The following PLCG2 variants were observed in gnomAD, a reference collection of about 807,000 sequenced individuals.
PLCG2 encodes the protein phospholipase C gamma 2, also known as 1-phosphatidylinositol 4,5-bisphosphate phosphodiesterase gamma-2.
A neutral mutation model predicts 175.6 loss-of-function variants in PLCG2; 69 were observed. That is an observed-to-expected ratio of 0.39 (90% CI 0.32 to 0.48). The LOEUF is 0.48. PLCG2 is among the 20% of genes least tolerant of loss of function. PLCG2 has a pLI of 0.91. For missense variants in PLCG2, 1,798 were observed against 1,650.9 expected (o/e 1.09, Z -1.54); for synonymous variants, 827 against 624.0 (o/e 1.33, Z -4.85).
At chr16:81,869,160 C>A (rs1357489386) in intron 5 of PLCG2, 54 bp from the exon 6 acceptor site, 2 of 1,352,798 alleles carry the variant, frequency 1.5e-6, no homozygotes, top group Admixed American at 1.7e-5. Flanking sequence ...GCAGCTAAAT[C>A]CTGTGCTGTT....
intron 25 of PLCG2, 59 bp downstream of exon 25, chr16:81,931,713 A>T (rs1910510763): frequency 6.6e-7 from 1 of 1,518,130 alleles, no homozygotes; most frequent in Non-Finnish European, 9.1e-7. Context: ...TTTGGTGCTC[A>T]GTTGGGACTG....
intron 2 of PLCG2, among the ~76,000 whole-genome samples, chr16:81,769,294 G>C (rs922926687): frequency 6.6e-6 from 1 of 152,212 alleles, no homozygotes; most frequent in Non-Finnish European, 1.5e-5. Context: ...CTCTGAACAG[G>C]CTTGCCTGGG....
At chr16:81,884,024 T>C (rs921694585) in intron 9 of PLCG2, among the ~76,000 whole-genome samples, 53 of 152,140 alleles carry the variant, frequency 3.5e-4, no homozygotes, top group Non-Finnish European at 5.1e-4. Flanking sequence ...ATATCCTACA[T>C]TGCACAGGGC....
chr16:81,838,778 A>AATATATAT lies in PLCG2; in HGVS notation c.194-15643_194-15636dup, dbSNP rs10549962. ...TATCCCAGAACTTAAAGTAAAATTA[A>AATATATAT]ATATATATATATATATATATATATA... On this transcript the variant is annotated intron_variant, in intron 2 of 32. Transcript: ENST00000564138. Among the ~76,000 whole-genome samples the AATATATAT allele has an allele frequency of 2.8e-3, 401 of 141,646 alleles. 1 individual carries two copies. The highest frequency in any genetic ancestry group is 6.3e-3 in the East Asian group (31 of 4,882). The allele number at this position is 141,646 out of a possible 152,430, so 92.9% of individuals were successfully genotyped here. A position where few individuals can be genotyped will look rare whatever the true frequency, so the allele number is the denominator to read the frequency against.
intron 11 of PLCG2, 24 bp from the exon 12 acceptor site, chr16:81,893,685 G>A (rs369501516): frequency 1.3e-5 from 20 of 1,532,120 alleles, no homozygotes; most frequent in African/African-American, 2.7e-5. Context: ...ACTCTCACAC[G>A]GCCACCTGCC....
intron 2 of PLCG2, among the ~76,000 whole-genome samples, chr16:81,758,203 C>T (rs1909968799): frequency 6.6e-6 from 1 of 152,146 alleles, no homozygotes; most frequent in Non-Finnish European, 1.5e-5. Flanking sequence ...ATTTCAAAGT[C>T]CTGGGCTCAA....
At chr16:81,868,181 G>T (rs561175665) in intron 5 of PLCG2, among the ~76,000 whole-genome samples, 1 of 152,324 alleles carries the variant, frequency 6.6e-6, no homozygotes, top group Admixed American at 6.5e-5. Flanking sequence ...AGCCCTGGGG[G>T]TCAACCATGT....
At chr16:81,751,047 C>G (rs1289854513) in intron 1 of PLCG2, among the ~76,000 whole-genome samples, 1 of 124,818 alleles carries the variant, frequency 8.0e-6, no homozygotes, top group Admixed American at 1.0e-4. Flanking sequence ...GTAGTGCAAT[C>G]TTGGCTCACT....
intron 2 of PLCG2, among the ~76,000 whole-genome samples, chr16:81,850,212 T>C (rs1401159114): frequency 1.3e-5 from 2 of 152,240 alleles, no homozygotes; most frequent in Non-Finnish European, 2.9e-5. Context: ...GGTTATGTTA[T>C]GTAATTATCA....
At chr16:81,803,480 G>C (rs1441776575) in intron 2 of PLCG2, among the ~76,000 whole-genome samples, 1 of 151,820 alleles carries the variant, frequency 6.6e-6, no homozygotes, top group African/African-American at 2.4e-5. Flanking sequence ...CATTTAGGTA[G>C]TTCTCTCTTT....
At chr16:81,934,918 T>C (rs928480323) in intron 26 of PLCG2, among the ~76,000 whole-genome samples, 4 of 151,976 alleles carry the variant, frequency 2.6e-5, no homozygotes, top group Non-Finnish European at 5.9e-5. Flanking sequence ...ACAACAACGG[T>C]ACAGGGGAAA....
chr16:81,870,888 C>G lies in PLCG2; in HGVS notation c.601C>G (p.Gln201Glu), dbSNP rs1489389401. Residue 201 changes from glutamine (Q) to glutamate (E), a missense_variant, in exon 7 of 33, where the codon CAG becomes GAG. Transcript: ENST00000564138. The stretch of plus-strand genomic sequence containing the variant: ...ACACAAAGATGAGCTCAGCTTTGAA[C>G]AGTTCCATCTCTTCTATAAAAAACT... ...GAHKDELSFE[Q>E]FHLFYKKLMF... The G allele has an allele frequency of 1.2e-6, 2 of 1,603,810 alleles. No individual in the cohort carries two copies. The highest frequency in any genetic ancestry group is 1.7e-6 in the Non-Finnish European group (2 of 1,174,768).
At chr16:81,879,130 A>T (rs1355921189) in intron 7 of PLCG2, among the ~76,000 whole-genome samples, 2 of 152,046 alleles carry the variant, frequency 1.3e-5, no homozygotes, top group African/African-American at 4.8e-5. Flanking sequence ...AATGTAAAGG[A>T]AGGAGAGGGC....
chr16:81,795,806 C>T (rs1251729110), intron 2 of PLCG2, among the ~76,000 whole-genome samples: 1 of 152,148 alleles, frequency 6.6e-6, no homozygotes, highest in East Asian at 1.9e-4. Context: ...ATCAAGTGAT[C>T]CTCCTGCTTT....
At chr16:81,909,245 C>T in intron 17 of PLCG2, among the ~76,000 whole-genome samples, 1 of 152,124 alleles carries the variant, frequency 6.6e-6, no homozygotes, top group Middle Eastern at 3.2e-3. Flanking sequence ...GTGATGAGTG[C>T]AATGAAACAA....
intron 2 of PLCG2, among the ~76,000 whole-genome samples, chr16:81,830,453 C>G (rs1444232574): frequency 6.6e-6 from 1 of 152,032 alleles, no homozygotes; most frequent in Non-Finnish European, 1.5e-5. Flanking sequence ...ATTATAGGCG[C>G]ATGCCACCAC....
At chr16:81,947,427 C>T (rs989343385) in intron 31 of PLCG2, among the ~76,000 whole-genome samples, 2 of 152,222 alleles carry the variant, frequency 1.3e-5, no homozygotes, top group Non-Finnish European at 2.9e-5. Flanking sequence ...TTTCTGTCCA[C>T]ACTGGGATGA....
intron 31 of PLCG2, 93 bp downstream of exon 31, chr16:81,946,356 A>C: frequency 2.3e-6 from 2 of 879,336 alleles, no homozygotes; most frequent in Non-Finnish European, 3.9e-6. Context: ...GATGGACTTA[A>C]GCCCATTCAG....
At chr16:81,781,675 C>G (rs1910738140) in intron 1 of PLCG2, among the ~76,000 whole-genome samples, 1 of 152,140 alleles carries the variant, frequency 6.6e-6, no homozygotes, top group South Asian at 2.1e-4. Context: ...TAAGGTGCAG[C>G]AGTAATGTCC....
Sources: gnomAD v4.1 joint callset for allele counts (sites outside exome capture counted in the v4.1 genomes callset) on GRCh38, gnomAD v4.1.1 for gene constraint, MANE v1.5 for transcripts, NCBI Gene and HGNC (gene_info 2026-07-23, HGNC 2026-07-21) for gene names.